RSPH1: variants seen among roughly 807,000 people sequenced by gnomAD.
The protein encoded by RSPH1 is radial spoke head 1 homolog.
A neutral mutation model predicts 44.2 loss-of-function variants in RSPH1; 32 were observed. That is an observed-to-expected ratio of 0.72 (90% confidence interval 0.55 to 0.97). The LOEUF (loss-of-function observed/expected upper bound fraction) is 0.97. Ranked by LOEUF, RSPH1 falls within the 50% of genes least tolerant of loss-of-function variation. The probability of loss-of-function intolerance (pLI) is 0.00; values close to 1 mark genes in which losing one functional copy is unlikely to be tolerated. For missense variants in RSPH1, 391 were observed against 398.7 expected (o/e 0.98, Z 0.16); for synonymous variants, 134 against 147.3 (o/e 0.91, Z 0.65).
intron 6 of RSPH1, among the ~76,000 whole-genome samples, chr21:42,477,757 T>C (rs757094534): frequency 6.6e-6 from 1 of 152,236 alleles, no homozygotes; most frequent in Non-Finnish European, 1.5e-5. Context: ...AGCTAAGACA[T>C]GGCCAGGACT....
chr21:42,484,272 T>C (rs1239639030), intron 5 of RSPH1, among the ~76,000 whole-genome samples: 1 of 152,226 alleles, frequency 6.6e-6, no homozygotes, highest in Non-Finnish European at 1.5e-5. Context: ...AACAGACTCA[T>C]ATTCTATTGG....
chr21:42,477,980 T>C (rs748704070), intron 6 of RSPH1, among the ~76,000 whole-genome samples: 3 of 152,214 alleles, frequency 2.0e-5, no homozygotes, highest in Non-Finnish European at 4.4e-5. Context: ...GATGTCCATA[T>C]GATATGGATT....
At chr21:42,486,039 G>A (rs2146655661) in intron 4 of RSPH1, 1 of 600,986 alleles carries the variant, frequency 1.7e-6, no homozygotes, top group East Asian at 2.8e-5. Context: ...CCTCCTGTGT[G>A]TCAGCTGCTT....
At position 42,482,723 on chromosome 21, in the gene RSPH1, A is replaced by C. The variant is rs1158992277; in HGVS notation, c.502-15T>G. 6.2e-7 allele frequency: 1 copy of C among 1,604,250 alleles called. No homozygotes were observed. The highest frequency in any genetic ancestry group is 8.5e-7 in the Non-Finnish European group (1 of 1,171,898). Reference sequence around the variant, plus strand: ...GGGCCAACAGGCTACGAGCAAAGAGAAACCATTCTTAAGTGTCAACACCCA... The same window carrying C: ...GGGCCAACAGGCTACGAGCAAAGAGCAACCATTCTTAAGTGTCAACACCCA... On this transcript the variant is annotated splice_polypyrimidine_tract_variant and intron_variant, in intron 5 of 8. Coordinates refer to ENST00000291536, the MANE Select transcript of RSPH1 (RefSeq NM_080860.4).
At position 42,474,253 on chromosome 21, in the gene RSPH1, C is replaced by G. The variant is rs1307065369; in HGVS notation, c.878-1383G>C. Among the ~76,000 whole-genome samples the G allele has an allele frequency of 6.6e-6, 1 of 152,152 alleles. No individual in the cohort carries two copies. Among genetic ancestry groups the G allele is most frequent in the East Asian group, 1.9e-4 (1 of 5,190 alleles). ...AAGGGAAAGGGGCCACCTCCCCACC[C>G]CCACACTCTTCTGCTGTCAGACTCT... On this transcript the variant is annotated intron_variant, in intron 8 of 8. Coordinates refer to ENST00000291536, the MANE Select transcript of RSPH1 (RefSeq NM_080860.4). This position sits in a 1 kb window ranked among gnomAD's most constrained non-coding sequence, Gnocchi z 5.2.
At chr21:42,485,097 C>T (rs2054165122) in intron 5 of RSPH1, 1 of 152,784 alleles carries the variant, frequency 6.5e-6, no homozygotes, top group Non-Finnish European at 1.5e-5. Flanking sequence ...ACAATAAGGG[C>T]AAGAGGAACC....
Position 42,492,277 on chromosome 21 carries a change from G to A in RSPH1, c.274+481C>T, listed in dbSNP as rs17115003. 7.9e-3 allele frequency among the ~76,000 whole-genome samples: 1,205 copies of A among 152,318 alleles called. 17 individuals are homozygous for A. Among genetic ancestry groups the A allele is most frequent in the African/African-American group, 0.028 (1,146 of 41,568 alleles). ...ATAACATTGGCCTGTAAGGACTTAT[G>A]GCACAGGTAGGAAAAGTCAGTTTAA... On this transcript the variant is annotated intron_variant, in intron 3 of 8. Coordinates refer to ENST00000291536, the MANE Select transcript of RSPH1 (RefSeq NM_080860.4).
intron 7 of RSPH1, among the ~76,000 whole-genome samples, chr21:42,476,751 T>C (rs1397341514): frequency 6.6e-6 from 1 of 152,116 alleles, no homozygotes; most frequent in Non-Finnish European, 1.5e-5. Context: ...AGCAAGGTTG[T>C]GGAGGCCACA....
At chr21:42,482,026 C>T (rs2054133117) in intron 6 of RSPH1, among the ~76,000 whole-genome samples, 1 of 152,190 alleles carries the variant, frequency 6.6e-6, no homozygotes, top group African/African-American at 2.4e-5. Context: ...TTTTCACTTG[C>T]AGGACCTAAC....
chr21:42,485,602 T>C, intron 5 of RSPH1, 67 bp downstream of exon 5: 1 of 1,592,572 alleles, frequency 6.3e-7, no homozygotes, highest in South Asian at 1.1e-5. Flanking sequence ...TGGTCACACA[T>C]TTGCACAGGC....
At chr21:42,480,731 C>T (rs1310559108) in intron 6 of RSPH1, among the ~76,000 whole-genome samples, 1 of 147,428 alleles carries the variant, frequency 6.8e-6, no homozygotes, top group Non-Finnish European at 1.5e-5. Context: ...ACTTAGGATT[C>T]AAGGCCAGGG....
In RSPH1 at chr21:42,474,820, C is replaced by T. The variant is rs188978509; in HGVS notation, c.877+1078G>A. ...TCTATGCCAGCGCTCAGGGGAATTA[C>T]CGATCACGAAAGTCTATGTGTGCTT... On this transcript the variant is annotated intron_variant, in intron 8 of 8. Transcript: ENST00000291536. The surrounding 1 kb of genome is among the most constrained non-coding windows in gnomAD (Gnocchi z 5.2). 2.3e-4 allele frequency among the ~76,000 whole-genome samples: 35 copies of T among 149,678 alleles called. 1 individual carries two copies. The highest frequency in any genetic ancestry group is 1.7e-3 in the East Asian group (9 of 5,190).
chr21:42,477,510 T>TGAGG, intron 6 of RSPH1, 66 bp from the exon 7 acceptor site: 1 of 1,548,502 alleles, frequency 6.5e-7, no homozygotes, highest in Non-Finnish European at 8.9e-7. Flanking sequence ...ATATTAAAAG[T>TGAGG]GAGGGAGGAA....
At position 42,477,364 on chromosome 21, in the gene RSPH1, G is replaced by A. The variant is rs752858417; in HGVS notation, c.654C>T (p.Ala218=). Residue 218 remains alanine, a synonymous_variant, in exon 7 of 9, where the codon GCC becomes GCT. Coordinates refer to ENST00000291536, the MANE Select transcript of RSPH1 (RefSeq NM_080860.4). ...KWKATQITEL[A]LWTPTLPKKP... ...TTTTGGGGAGAGTTGGTGTCCACAG[G>A]GCCAATTCAGTGATTTGGGTAGCTT... is the stretch of plus-strand genomic sequence containing the variant. 69 of 1,609,988 alleles carry A rather than the reference G, an allele frequency of 4.3e-5. 1 individual carries two copies. In the South Asian group the frequency reaches 4.4e-4, roughly 10 times the overall value.
In RSPH1 at chr21:42,472,915, T is replaced by C. The variant is rs758836063; in HGVS notation, c.878-45A>G. On this transcript the variant is annotated intron_variant, in intron 8 of 8. Transcript: ENST00000291536. ...ATGAGTATATCTCATATTTACTTTG[T>C]TCTATTTTTAAAGCCTTTATTCACT... The C allele has an allele frequency of 7.0e-6, 10 of 1,433,686 alleles. 1 individual carries two copies. In the South Asian group the frequency reaches 1.1e-4, roughly 15 times the overall value. 88.8% of individuals were successfully genotyped at this position (1,433,686 alleles called of 1,614,324 possible). A position where few individuals can be genotyped will look rare whatever the true frequency, so the allele number is the denominator to read the frequency against.
intron 5 of RSPH1, among the ~76,000 whole-genome samples, chr21:42,484,420 A>G (rs2054158807): frequency 6.6e-6 from 1 of 152,162 alleles, no homozygotes; most frequent in African/African-American, 2.4e-5. Context: ...ACAAATATGT[A>G]TCTTTATGTA....
chr21:42,488,666 A>G (rs1371783473), intron 3 of RSPH1, among the ~76,000 whole-genome samples: 5 of 152,186 alleles, frequency 3.3e-5, no homozygotes, highest in Non-Finnish European at 7.3e-5. Flanking sequence ...ACGGTGAGCA[A>G]AATTTTTTAA....
At chr21:42,493,111 A>G (rs372074824) in intron 1 of RSPH1, 32 bp from the exon 2 acceptor site, 30 of 1,568,698 alleles carry the variant, frequency 1.9e-5, no homozygotes, top group Non-Finnish European at 3.5e-6. Flanking sequence ...AATTACAGCT[A>G]CCATTCATTA....
rs532542799 is a variant in RSPH1, at chr21:42,481,958, A to G, written c.573+679T>C. 2.0e-4 allele frequency among the ~76,000 whole-genome samples: 31 copies of G among 152,386 alleles called. 1 individual carries two copies. Among genetic ancestry groups the G allele is most frequent in the Admixed American group, 1.7e-3 (26 of 15,308 alleles). ...CGGCACGTTCAGAGGAGCATGCTGC[A>G]CAACGGACAAGCTAACAGTCACTGG... On this transcript the variant is annotated intron_variant, in intron 6 of 8. Coordinates refer to ENST00000291536, the MANE Select transcript of RSPH1 (RefSeq NM_080860.4).
Sources: gnomAD v4.1 joint callset for allele counts (sites outside exome capture counted in the v4.1 genomes callset) on GRCh38, gnomAD v4.1.1 for gene constraint, Gnocchi (gnomAD v3.1) non-coding constraint, MANE v1.5 for transcripts, NCBI Gene and HGNC (gene_info 2026-07-23, HGNC 2026-07-21) for gene names.